The following RBFOX1 variants were observed in gnomAD, a reference collection of about 807,000 sequenced individuals.
RBFOX1 encodes RNA binding protein fox-1 homolog 1.
A neutral mutation model predicts 57.7 loss-of-function variants in RBFOX1; 8 were observed. That is an observed-to-expected ratio of 0.14 (90% CI 0.08 to 0.25). RBFOX1 has a LOEUF of 0.25. RBFOX1 is among the 10% of genes least tolerant of loss of function. The pLI is 1.00. For synonymous variants in RBFOX1, 326 were observed against 222.4 expected, an observed-to-expected ratio of 1.47 and a Z score of -4.15; for missense variants, 611 against 548.5, an observed-to-expected ratio of 1.11 and a Z score of -1.14.
chr16:6,610,448 C>G (rs570242838), intron 2 of RBFOX1, among the ~76,000 whole-genome samples: 1 of 152,208 alleles, frequency 6.6e-6, no homozygotes, highest in East Asian at 1.9e-4. Context: ...CCACTTCAGC[C>G]TCCAGAGTAG....
chr16:7,020,989 A>G (rs1019086384), intron 3 of RBFOX1, among the ~76,000 whole-genome samples: 7 of 152,148 alleles, frequency 4.6e-5, no homozygotes, highest in Non-Finnish European at 5.9e-5. Flanking sequence ...TTAGTTGGGC[A>G]TAGTGGCAGG....
At chr16:6,706,460 G>A (rs189070105) in intron 3 of RBFOX1, among the ~76,000 whole-genome samples, 8 of 152,310 alleles carry the variant, frequency 5.3e-5, no homozygotes, top group African/African-American at 1.9e-4. Flanking sequence ...TGGATGGGGG[G>A]CCCCTGTAGG....
intron 3 of RBFOX1, among the ~76,000 whole-genome samples, chr16:6,818,359 C>G (rs117251155): frequency 0.029 from 4,380 of 152,176 alleles, 226 homozygotes; most frequent in Admixed American, 0.12. Context: ...CCTCACCCAT[C>G]CCACAAGTGG....
chr16:6,590,089 G>T (rs2097689398), intron 2 of RBFOX1, among the ~76,000 whole-genome samples: 1 of 152,236 alleles, frequency 6.6e-6, no homozygotes, highest in South Asian at 2.1e-4. Context: ...TGACAACTGA[G>T]AGAAGAATGA....
intron 4 of RBFOX1, among the ~76,000 whole-genome samples, chr16:7,298,292 T>TTTTTTG (rs1555681334): frequency 2.1e-5 from 3 of 145,698 alleles, no homozygotes; most frequent in Non-Finnish European, 4.5e-5. Context: ...TTTGTTTTTT[T>TTTTTTG]TTTTTTTTTT....
chr16:7,474,453 A>G (rs2062207514), intron 4 of RBFOX1, among the ~76,000 whole-genome samples: 1 of 152,056 alleles, frequency 6.6e-6, no homozygotes, highest in Non-Finnish European at 1.5e-5. Context: ...TAAGGATAAC[A>G]TCTCCACTTT....
rs2084229129 is a variant in RBFOX1 at position 7,713,042 on chromosome 16, A to AG, written c.*2297_*2298insG. 6.6e-6 allele frequency: 1 copy of AG among 152,196 alleles called. No individual in the cohort carries two copies. Among genetic ancestry groups the AG allele is most frequent in the Non-Finnish European group, 1.5e-5 (1 of 68,024 alleles). The allele number at this position is 152,196 out of a possible 1,614,324, so 9.4% of individuals were successfully genotyped here. A position where few individuals can be genotyped will look rare whatever the true frequency, so the allele number is the denominator to read the frequency against. Reference sequence around the variant, plus strand: ...TTTTGTCTAGGCACTCCAAGATGCCAATAAGTCATTTTAAAATGTATGTCA... The same window carrying AG: ...TTTTGTCTAGGCACTCCAAGATGCCAGATAAGTCATTTTAAAATGTATGTCA... On this transcript the variant is annotated 3_prime_UTR_variant, in exon 16 of 16. Transcript: ENST00000550418.
Position 6,886,066 on chromosome 16 carries a change from C to CTTT in RBFOX1, c.-15-165979_-15-165977dup, listed in dbSNP as rs543955510. 2.1e-3 allele frequency among the ~76,000 whole-genome samples: 277 copies of CTTT among 129,068 alleles called. 1 individual carries two copies. Among genetic ancestry groups the CTTT allele is most frequent in the East Asian group, 0.012 (51 of 4,182 alleles). 84.7% of individuals were successfully genotyped at this position (129,068 alleles called of 152,430 possible). Reference sequence around the variant, plus strand: ...TGTCCAGTGAAAGTATTTTTTTTTTCTTTTTTTTTTTTTTGAGACGGAGTC... The same window carrying CTTT: ...TGTCCAGTGAAAGTATTTTTTTTTTCTTTTTTTTTTTTTTTTTGAGACGGAGTC... On this transcript the variant is annotated intron_variant, in intron 3 of 15. Coordinates refer to ENST00000550418, the MANE Select transcript of RBFOX1 (RefSeq NM_018723.4).
chr16:7,003,199 G>T (rs181708349), intron 3 of RBFOX1, among the ~76,000 whole-genome samples: 4 of 152,044 alleles, frequency 2.6e-5, no homozygotes, highest in Non-Finnish European at 5.9e-5. Flanking sequence ...GGTGGCTCAC[G>T]CCTGTAATCC....
intron 2 of RBFOX1, among the ~76,000 whole-genome samples, chr16:6,653,970 CGGAT>C (rs1158998142): frequency 4.9e-3 from 371 of 75,392 alleles, no homozygotes; most frequent in Middle Eastern, 8.3e-3. Context: ...GATGGTTGGA[CGGAT>C]GGATGGATGG....
chr16:7,073,140 T>A (rs1377762066), intron 4 of RBFOX1, among the ~76,000 whole-genome samples: 1 of 152,158 alleles, frequency 6.6e-6, no homozygotes, highest in Non-Finnish European at 1.5e-5. Context: ...AGGGCAAGGG[T>A]CAGCAAATTA....
intron 4 of RBFOX1, among the ~76,000 whole-genome samples, chr16:7,329,402 T>G (rs2096654899): frequency 6.6e-6 from 1 of 152,192 alleles, no homozygotes; most frequent in African/African-American, 2.4e-5. Context: ...CCATGAACCA[T>G]GTGCACTGCC....
chr16:6,084,822 C>T (rs1377129785), intron 1 of RBFOX1, among the ~76,000 whole-genome samples: 2 of 152,108 alleles, frequency 1.3e-5, no homozygotes, highest in Admixed American at 6.5e-5. Flanking sequence ...GATGGGGAGT[C>T]TGAGACCCTG....
At chr16:5,407,276 A>T (rs2066893209) in intron 1 of RBFOX1, among the ~76,000 whole-genome samples, 1 of 152,174 alleles carries the variant, frequency 6.6e-6, no homozygotes, top group African/African-American at 2.4e-5. Context: ...GTCTCTCCTC[A>T]GCACCTGAGG....
At chr16:7,452,341 G>C (rs1473233802) in intron 4 of RBFOX1, among the ~76,000 whole-genome samples, 2 of 152,158 alleles carry the variant, frequency 1.3e-5, no homozygotes, top group Non-Finnish European at 2.9e-5. Context: ...GCGTGTAGGT[G>C]ATGTGCATTG....
chr16:7,213,895 T>C (rs1489355960), intron 4 of RBFOX1, among the ~76,000 whole-genome samples: 1 of 152,122 alleles, frequency 6.6e-6, no homozygotes, highest in Non-Finnish European at 1.5e-5. Flanking sequence ...TAGAGGGCTT[T>C]GCCAGCCAGA....
intron 2 of RBFOX1, among the ~76,000 whole-genome samples, chr16:6,646,840 A>G (rs1195275268): frequency 6.6e-6 from 1 of 151,956 alleles, no homozygotes; most frequent in Non-Finnish European, 1.5e-5. Context: ...GTTTTTCCTG[A>G]CTCAGTGTCC....
chr16:7,382,878 C>T (rs1352414177), intron 4 of RBFOX1, among the ~76,000 whole-genome samples: 1 of 152,164 alleles, frequency 6.6e-6, no homozygotes, highest in African/African-American at 2.4e-5. Context: ...AATTGAGGAG[C>T]TGTAAGCTGC....
intron 4 of RBFOX1, among the ~76,000 whole-genome samples, chr16:7,136,622 G>T (rs1356398115): frequency 2.0e-5 from 3 of 151,940 alleles, no homozygotes; most frequent in Admixed American, 6.6e-5. Context: ...TCATAATGTT[G>T]CCCAGGCTGA....
Sources: gnomAD v4.1 joint callset for allele counts (sites outside exome capture counted in the v4.1 genomes callset) on GRCh38, gnomAD v4.1.1 for gene constraint, MANE v1.5 for transcripts, NCBI Gene and HGNC (gene_info 2026-07-23, HGNC 2026-07-21) for gene names.